LRRC9: variants seen among roughly 807,000 people sequenced by gnomAD.
LRRC9 encodes the protein leucine rich repeat containing 9.
LRRC9 carries 122 observed loss-of-function variants against 63.2 expected under a neutral mutation model. The ratio of observed to expected loss-of-function variants is 1.93; its 90% CI spans 1.67 to 2.24. The LOEUF is 2.24. Among genes scored for constraint, LRRC9 ranks in the 30% most tolerant of loss-of-function variants. LRRC9 has a pLI of 0.00. For missense variants in LRRC9, 1,071 were observed against 627.7 expected, an observed-to-expected ratio of 1.71 and a Z score of -7.55; for synonymous variants, 366 against 213.1, an observed-to-expected ratio of 1.72 and a Z score of -6.25.
intron 23 of LRRC9, among the ~76,000 whole-genome samples, chr14:60,016,396 G>A (rs370222990): frequency 6.6e-5 from 10 of 152,146 alleles, no homozygotes; most frequent in African/African-American, 1.9e-4. Context: ...TGTAGAGACA[G>A]GGTCTCACTT....
chr14:59,952,967 G>A (rs781199456), intron 8 of LRRC9, among the ~76,000 whole-genome samples: 15 of 152,126 alleles, frequency 9.9e-5, no homozygotes, highest in Admixed American at 2.0e-4. Flanking sequence ...CTTCATCCAT[G>A]TCCCTGCAAA....
chr14:60,027,837 C>A lies in LRRC9; in HGVS notation c.3704-47C>A. The A allele has an allele frequency of 1.6e-6, 1 of 607,378 alleles. No homozygotes were observed. Among genetic ancestry groups the A allele is most frequent in the South Asian group, 2.0e-5 (1 of 50,920 alleles). 37.6% of individuals were successfully genotyped at this position (607,378 alleles called of 1,614,324 possible). On this transcript the variant is annotated intron_variant, in intron 27 of 31. Coordinates refer to ENST00000445360, the Ensembl canonical transcript of LRRC9. This position sits in a 1 kb window ranked among gnomAD's most constrained non-coding sequence, Gnocchi z 4.0. ...AAATGTAAGTAGATATCCTTTACTT[C>A]AGGAAGTTTGGGCTCACTTGATATA...
intron 8 of LRRC9, among the ~76,000 whole-genome samples, chr14:59,949,241 A>G (rs1267392275): frequency 6.6e-6 from 1 of 151,896 alleles, no homozygotes; most frequent in Admixed American, 6.6e-5. Flanking sequence ...GTCTTGAGAG[A>G]GTGTATGTGT....
intron 7 of LRRC9, among the ~76,000 whole-genome samples, chr14:59,941,370 T>G (rs1216824008): frequency 6.6e-6 from 1 of 151,700 alleles, no homozygotes; most frequent in Non-Finnish European, 1.5e-5. Flanking sequence ...TTCAAAAAAA[T>G]TAAAATAAAA....
intron 13 of LRRC9, among the ~76,000 whole-genome samples, chr14:59,975,189 C>CAAACACCAAATTCACAGGAAAAAAAAAA (rs1886137308): frequency 1.1e-5 from 1 of 91,300 alleles, no homozygotes; most frequent in Admixed American, 1.3e-4. Context: ...ACTACACACA[C>CAAACACCAAATTCACAGGAAAAAAAAAA]GAACACCAAA....
Position 60,053,383 on chromosome 14 carries a change from TCACACA to T in LRRC9, c.4131+211_4131+216del, listed in dbSNP as rs140525122. On this transcript the variant is annotated intron_variant, in intron 30 of 31. Transcript: ENST00000445360. The surrounding 1 kb of genome is among the most constrained non-coding windows in gnomAD (Gnocchi z 4.8). ...GATTTGGTGAATAGAGCATGCGTGC[TCACACA>T]CACACACACACACACACACACACAC... is the stretch of plus-strand genomic sequence containing the variant. Among the ~76,000 whole-genome samples, 106 of 85,712 alleles carry T rather than the reference TCACACA, an allele frequency of 1.2e-3. No individual in the cohort carries two copies. The highest frequency in any genetic ancestry group is 2.7e-3 in the African/African-American group (86 of 32,066). 56.2% of individuals were successfully genotyped at this position (85,712 alleles called of 152,430 possible). A position where few individuals can be genotyped will look rare whatever the true frequency, so the allele number is the denominator to read the frequency against.
At chr14:59,924,753 A>C (rs1238594059) in intron 1 of LRRC9, among the ~76,000 whole-genome samples, 1 of 152,162 alleles carries the variant, frequency 6.6e-6, no homozygotes, top group Non-Finnish European at 1.5e-5. Flanking sequence ...ACAGAGTTCT[A>C]CAAGATAGCA....
At chr14:60,038,341 A>C (rs926583367) in intron 29 of LRRC9, among the ~76,000 whole-genome samples, 1 of 152,186 alleles carries the variant, frequency 6.6e-6, no homozygotes, top group Non-Finnish European at 1.5e-5. Flanking sequence ...CATTGAATCT[A>C]TAAATTACAT....
chr14:60,043,756 C>CTTTTTT (rs368065898), intron 29 of LRRC9, among the ~76,000 whole-genome samples: 174 of 71,478 alleles, frequency 2.4e-3, no homozygotes, highest in East Asian at 6.0e-3. Context: ...TTTTCTTTTC[C>CTTTTTT]TTTTTTTTTT....
At chr14:60,038,764 C>T (rs1465620735) in intron 29 of LRRC9, among the ~76,000 whole-genome samples, 4 of 152,198 alleles carry the variant, frequency 2.6e-5, no homozygotes, top group Admixed American at 2.6e-4. Flanking sequence ...TTATTTCTTT[C>T]TCTTGCCTGA....
At position 59,936,695 on chromosome 14, in the gene LRRC9, C is replaced by A. The variant is rs1471025620; in HGVS notation, c.544-1695C>A. Among the ~76,000 whole-genome samples, 1 of 152,202 alleles carries A rather than the reference C, an allele frequency of 6.6e-6. No homozygotes were observed. The highest frequency in any genetic ancestry group is 6.5e-5 in the Admixed American group (1 of 15,274). ...TCTCTGCACAGCTCTGTCCATAAAT[C>A]TTCCTTTTAGAGCAACTCTGCTTAG... On this transcript the variant is annotated intron_variant, in intron 6 of 31. Transcript: ENST00000445360. The surrounding 1 kb of genome is among the most constrained non-coding windows in gnomAD (Gnocchi z 4.2).
chr14:59,996,736 G>A (rs899752749), intron 17 of LRRC9, among the ~76,000 whole-genome samples: 1 of 152,086 alleles, frequency 6.6e-6, no homozygotes, highest in African/African-American at 2.4e-5. Flanking sequence ...AGAAAATGTT[G>A]GTACAAACTT....
At chr14:59,924,860 C>T (rs768952180) in intron 1 of LRRC9, among the ~76,000 whole-genome samples, 4 of 151,900 alleles carry the variant, frequency 2.6e-5, no homozygotes, top group East Asian at 1.9e-4. Context: ...TGCTATTCTG[C>T]AAACATACCA....
At chr14:60,011,596 G>A (rs1189013982) in intron 23 of LRRC9, among the ~76,000 whole-genome samples, 4 of 152,170 alleles carry the variant, frequency 2.6e-5, no homozygotes, top group African/African-American at 9.7e-5. Context: ...TTGATTATAT[G>A]TGTTTCCTGT....
At chr14:60,019,252 A>G (rs1414606405) in exon 26 of LRRC9, 1 of 690,512 alleles carries the variant, frequency 1.4e-6, no homozygotes, top group South Asian at 1.5e-5. Context: ...GAATTTCAAA[A>G]ACAAACAGGT....
chr14:60,044,436 A>G (rs1464220466), intron 29 of LRRC9, among the ~76,000 whole-genome samples: 1 of 152,178 alleles, frequency 6.6e-6, no homozygotes, highest in Non-Finnish European at 1.5e-5. Context: ...ATTTATTGCA[A>G]TAAACTTTCC....
At chr14:60,032,183 C>A in intron 29 of LRRC9, 120 bp downstream of exon 29, 1 of 565,340 alleles carries the variant, frequency 1.8e-6, no homozygotes, top group Non-Finnish European at 3.1e-6. Flanking sequence ...CCAGTCATCC[C>A]AGCCCAAATT....
intron 12 of LRRC9, among the ~76,000 whole-genome samples, chr14:59,972,150 C>G (rs1467457575): frequency 1.3e-5 from 2 of 152,098 alleles, no homozygotes; most frequent in African/African-American, 4.8e-5. Flanking sequence ...TCATACCACC[C>G]TTTGATGAAA....
Position 60,008,674 on chromosome 14 carries a change from G to C in LRRC9, c.3186+460G>C, listed in dbSNP as rs560384875. 1.6e-4 allele frequency among the ~76,000 whole-genome samples: 24 copies of C among 152,242 alleles called. 1 individual carries two copies. In the South Asian group the frequency reaches 4.8e-3, roughly 30 times the overall value. On this transcript the variant is annotated intron_variant, in intron 23 of 31. Transcript: ENST00000445360. Reference sequence around the variant, plus strand: ...AAAGAAAAATAGACACAGACCCTAGGACTGAATGTGAAAGCAACATTTGGA... The same window carrying C: ...AAAGAAAAATAGACACAGACCCTAGCACTGAATGTGAAAGCAACATTTGGA...
Sources: allele counts gnomAD v4.1 joint callset (sites outside exome capture counted in the v4.1 genomes callset), GRCh38; gene constraint gnomAD v4.1.1; non-coding constraint Gnocchi (gnomAD v3.1); transcripts MANE v1.5; gene names NCBI Gene and HGNC (gene_info 2026-07-23, HGNC 2026-07-21).